Variants in EMC1 observed in about 807,000 individuals in gnomAD.
EMC1 encodes KIAA0090.
EMC1 carries 103 observed loss-of-function variants against 128.8 expected under a neutral mutation model. That is an observed-to-expected ratio of 0.80 (90% CI 0.68 to 0.94). The LOEUF (loss-of-function observed/expected upper bound fraction) is 0.94. EMC1 is among the 40% of genes least tolerant of loss of function. The pLI is 0.00. For synonymous variants in EMC1, 442 were observed against 490.4 expected, an observed-to-expected ratio of 0.90 and a Z score of 1.30; for missense variants, 1,083 against 1,250.6, an observed-to-expected ratio of 0.87 and a Z score of 2.02.
intron 1 of EMC1, among the ~76,000 whole-genome samples, chr1:19,248,563 G>A (rs1411473037): frequency 6.6e-6 from 1 of 152,136 alleles, no homozygotes; most frequent in African/African-American, 2.4e-5. Context: ...GGGACTACAG[G>A]CGTGTGCCAC....
chr1:19,227,495 G>C lies in EMC1; in HGVS notation c.2065-45C>G, dbSNP rs770295072. On this transcript the variant is annotated intron_variant, in intron 17 of 22. Coordinates refer to ENST00000477853, the MANE Select transcript of EMC1 (RefSeq NM_015047.3). ...GCCTGTAATCAGGAGGGTACACTTA[G>C]AACTGAAACAGCTGGAGTTAGACAC... 3.7e-6 allele frequency: 6 copies of C among 1,611,186 alleles called. No homozygotes were observed. The East Asian group carries it at 1.3e-4, about 36-fold the overall frequency.
At position 19,238,130 on chromosome 1, in the gene EMC1, C is replaced by A. The variant is rs1316576773; in HGVS notation, c.1099G>T (p.Ala367Ser). 1.2e-6 allele frequency: 2 copies of A among 1,613,754 alleles called. No homozygotes were observed. Among genetic ancestry groups the A allele is most frequent in the African/African-American group, 1.3e-5 (1 of 74,934 alleles). Residue 367 changes from alanine to serine, a missense_variant, in exon 11 of 23, where the codon GCT becomes TCT. Around this residue, in one of 3 missense-constraint regions of EMC1, gnomAD observed 544 missense variants for 572.4 expected, o/e 0.95. Coordinates refer to ENST00000477853, the MANE Select transcript of EMC1 (RefSeq NM_015047.3). The part of the protein sequence containing the change: ...SEKSSSKDSL[A>S]CFNQTYTINL... ...ATGGTGTAGGTCTGATTGAAGCAAG[C>A]CAGAGAGTCCTAGGAGTACAGACAG...
rs34350799 is a variant in EMC1, at chr1:19,219,399, G to A, written c.2886C>T (p.Tyr962=). 7.7e-3 allele frequency: 12,458 copies of A among 1,613,994 alleles called. 66 individuals are homozygous for A. The highest frequency in any genetic ancestry group is 9.1e-3 in the Non-Finnish European group (10,760 of 1,179,976). Residue 962 remains tyrosine (Y), a synonymous_variant, in exon 23 of 23, where the codon TAC becomes TAT. Transcript: ENST00000477853. ...QFDVLKDDYD[Y]VLISSVLFGL... ...CAAAGAGGACGCTGCTGATTAACAC[G>A]TAGTCATAGTCATCCTTCAGAACGT...
Position 19,242,794 on chromosome 1 carries a change from C to T in EMC1, c.381-321G>A, listed in dbSNP as rs552951861. ...GACAGTGCTGTCATTACTGTGCTAC[C>T]TGCCTGCCTCCCAATGGACAGCGGA... On this transcript the variant is annotated intron_variant, in intron 4 of 22. Coordinates refer to ENST00000477853, the MANE Select transcript of EMC1 (RefSeq NM_015047.3). 3.3e-5 allele frequency among the ~76,000 whole-genome samples: 5 copies of T among 152,322 alleles called. 1 individual carries two copies. In the East Asian group the frequency reaches 7.7e-4, roughly 24 times the overall value.
At chr1:19,240,521 G>A (rs545330989) in intron 6 of EMC1, 75 bp from the exon 7 acceptor site, 5 of 1,538,968 alleles carry the variant, frequency 3.2e-6, no homozygotes, top group Non-Finnish European at 4.5e-6. Flanking sequence ...CAGCAATATT[G>A]CTGCCAGCAT....
At chr1:19,249,985 A>C (rs1302836336) in intron 1 of EMC1, among the ~76,000 whole-genome samples, 4 of 152,130 alleles carry the variant, frequency 2.6e-5, no homozygotes, top group African/African-American at 9.7e-5. Flanking sequence ...TGGGAGGCCT[A>C]GGCGGGTGGA....
chr1:19,247,949 G>A (rs982730841), intron 1 of EMC1, among the ~76,000 whole-genome samples: 4 of 152,016 alleles, frequency 2.6e-5, no homozygotes, highest in South Asian at 4.1e-4. Flanking sequence ...ACTTGAACCC[G>A]GGAGGTGGAG....
chr1:19,235,687 C>T (rs937030229), intron 12 of EMC1, among the ~76,000 whole-genome samples: 8 of 151,606 alleles, frequency 5.3e-5, no homozygotes, highest in East Asian at 3.9e-4. Context: ...GGCGACACAG[C>T]GAGACTCCGT....
At chr1:19,244,098 T>A in intron 2 of EMC1, 83 bp from the exon 3 acceptor site, 3 of 1,358,630 alleles carry the variant, frequency 2.2e-6, no homozygotes, top group Non-Finnish European at 3.2e-6. Flanking sequence ...AGCTCTTCAT[T>A]TGCACAGCAA....
In EMC1 at chr1:19,239,975, A is replaced by C. The variant is rs1277233450; in HGVS notation, c.797T>G (p.Leu266Ter). 19 of 1,611,684 alleles carry C rather than the reference A, an allele frequency of 1.2e-5. No individual in the cohort carries two copies. The highest frequency in any genetic ancestry group is 3.4e-5 in the Admixed American group (2 of 59,680). Residue 266 changes from leucine to a stop codon, truncating the protein, a stop_gained, in exon 8 of 23, where the codon TTA (leucine) becomes TGA (stop). Coordinates refer to ENST00000477853, the MANE Select transcript of EMC1 (RefSeq NM_015047.3). LOFTEE classifies it high-confidence loss of function. ...LRQIPLQSLDLEFGSGFQPRV... is the reference protein window; with the variant it reads ...LRQIPLQSLD ...GGGTTGGAATCCACTTCCAAATTCTAAGTCGAGAGACTGGAAGGCAAGAAG... is the reference window on the plus strand; with the variant it reads ...GGGTTGGAATCCACTTCCAAATTCTCAGTCGAGAGACTGGAAGGCAAGAAG...
At chr1:19,250,009 G>A (rs895241056) in intron 1 of EMC1, among the ~76,000 whole-genome samples, 5 of 151,984 alleles carry the variant, frequency 3.3e-5, no homozygotes, top group African/African-American at 9.7e-5. Context: ...CCTGAGATCG[G>A]GAGTTTGAGA....
In EMC1 at chr1:19,223,457, G is replaced by C; in HGVS notation, c.2315C>G (p.Ser772Cys). The C allele has an allele frequency of 6.2e-7, 1 of 1,614,192 alleles. No individual in the cohort carries two copies. ...GCCTTTGGCTTTCTTCTGCACAGAG[G>C]AGTGAATGATACGCCCAGTGACGCC... ...IDGVTGRIIH[S>C]SVQKKAKGPV... is the part of the protein sequence containing the mutation. The change falls in exon 19 of 23, where the codon TCC becomes TGC. Residue 772 changes from serine (S) to cysteine (C), a missense_variant. Ser to Cys is a moderately radical substitution (Grantham distance 112). Around this residue, in one of 3 missense-constraint regions of EMC1, gnomAD observed 527 missense variants for 644.1 expected, o/e 0.82. Transcript: ENST00000477853.
intron 17 of EMC1, 40 bp downstream of exon 17, chr1:19,230,804 T>C (rs1431747642): frequency 6.2e-7 from 1 of 1,612,034 alleles, no homozygotes. Flanking sequence ...AACACCTGCA[T>C]CTCATCCACA....
At chr1:19,247,896 G>A (rs2093638888) in intron 1 of EMC1, among the ~76,000 whole-genome samples, 1 of 152,092 alleles carries the variant, frequency 6.6e-6, no homozygotes, top group South Asian at 2.1e-4. Context: ...ATAGTGCTGT[G>A]CACCACAGTC....
In EMC1 at chr1:19,230,848, C is replaced by T. The variant is rs374969388; in HGVS notation, c.2060G>A (p.Arg687Gln). The change falls in exon 17 of 23, where the codon CGA becomes CAA. Residue 687 changes from arginine (R) to glutamine (Q), a missense_variant. This residue lies in a region of EMC1 where 527 missense variants were observed against 644.1 expected (regional missense o/e 0.82). Transcript: ENST00000477853. ...EQGRLCGYRL[R>Q]KDLTTELSWE... is the part of the protein sequence containing the mutation. ...TGCCAGGACATGCCTTCCTACCTTTCGAAGCCGATATCCACACAGCCGTCC... is the reference window on the plus strand; with the variant it reads ...TGCCAGGACATGCCTTCCTACCTTTTGAAGCCGATATCCACACAGCCGTCC... 1.2e-4 allele frequency: 197 copies of T among 1,613,734 alleles called. No individual in the cohort carries two copies. The highest frequency in any genetic ancestry group is 1.6e-4 in the Middle Eastern group (1 of 6,062).
chr1:19,241,070 G>C lies in EMC1; in HGVS notation c.582C>G (p.Phe194Leu). Residue 194 changes from phenylalanine to leucine, a missense_variant, in exon 6 of 23, where the codon TTC (phenylalanine) becomes TTG (leucine). Coordinates refer to ENST00000477853, the MANE Select transcript of EMC1 (RefSeq NM_015047.3). The stretch of plus-strand genomic sequence containing the variant: ...TAAACTTGACAATGTTCACATGGCT[G>C]AAGGGAACAACTCCGAGGGCCCACA... ...GVVWALGVVP[F>L]SHVNIVKFNV... 6.2e-7 allele frequency: 1 copy of C among 1,614,114 alleles called. No individual in the cohort carries two copies. The highest frequency in any genetic ancestry group is 8.5e-7 in the Non-Finnish European group (1 of 1,180,018).
intron 7 of EMC1, 75 bp downstream of exon 7, chr1:19,240,222 C>T (rs2093596471): frequency 5.7e-6 from 9 of 1,574,980 alleles, no homozygotes; most frequent in Non-Finnish European, 7.8e-6. Flanking sequence ...AAAGACCCTC[C>T]AGGGGAATCA....
intron 17 of EMC1, among the ~76,000 whole-genome samples, chr1:19,228,279 T>A (rs930252413): frequency 6.6e-6 from 1 of 151,920 alleles, no homozygotes; most frequent in African/African-American, 2.4e-5. Flanking sequence ...GTTGTTTATC[T>A]GAGTAGGAAA....
intron 12 of EMC1, 56 bp from the exon 13 acceptor site, chr1:19,235,308 C>A: frequency 6.4e-7 from 1 of 1,568,448 alleles, no homozygotes; most frequent in East Asian, 2.3e-5. Flanking sequence ...TGGCTCATGC[C>A]TGTAATCCCA....
Sources: allele counts gnomAD v4.1 joint callset (sites outside exome capture counted in the v4.1 genomes callset), GRCh38; gene constraint gnomAD v4.1.1; regional missense constraint gnomAD v4.1.1; transcripts MANE v1.5; gene names NCBI Gene and HGNC (gene_info 2026-07-23, HGNC 2026-07-21).